Variants in SH3RF1 observed in about 807,000 individuals in gnomAD.
The protein encoded by SH3RF1 is SH3 domain containing ring finger 1, also known as E3 ubiquitin-protein ligase SH3RF1.
Under a neutral mutation model 74.0 loss-of-function variants are expected in SH3RF1, and 32 were observed. That is an observed-to-expected ratio of 0.43 (90% CI 0.33 to 0.58). The LOEUF (loss-of-function observed/expected upper bound fraction) is 0.58, where lower values mean the gene tolerates loss of function less well. SH3RF1 is among the 20% of genes least tolerant of loss of function. SH3RF1 has a pLI of 0.05. For synonymous variants in SH3RF1, 396 were observed against 439.6 expected, an observed-to-expected ratio of 0.90 and a Z score of 1.24; for missense variants, 954 against 1,130.9, an observed-to-expected ratio of 0.84 and a Z score of 2.24.
chr4:169,201,700 C>G (rs1363552476), intron 2 of SH3RF1: 1 of 152,170 alleles, frequency 6.6e-6, no homozygotes. Flanking sequence ...TGGTAACTTC[C>G]TGTGAAGTCA....
In SH3RF1 at chr4:169,155,586, A is replaced by G. The variant is rs1734035669; in HGVS notation, c.670-11T>C. On this transcript the variant is annotated splice_polypyrimidine_tract_variant and intron_variant, in intron 3 of 11. Coordinates refer to ENST00000284637, the MANE Select transcript of SH3RF1 (RefSeq NM_020870.4). ...AGTCAGAACATCATCCTGAAGAAAC[A>G]GCAAATCATTAATCTACCTGATCAT... The G allele has an allele frequency of 6.3e-7, 1 of 1,591,246 alleles. No individual in the cohort carries two copies. Among genetic ancestry groups the G allele is most frequent in the African/African-American group, 1.3e-5 (1 of 74,464 alleles).
In SH3RF1 at chr4:169,121,996, T is replaced by C. The variant is rs1306784372; in HGVS notation, c.1346+104A>G. ...AGGACACAGACCGCTTGGTGAGCCA[T>C]AACGCTGTCATCAGCTCATGTCAGA... On this transcript the variant is annotated intron_variant, in intron 7 of 11. Transcript: ENST00000284637. 6.1e-6 allele frequency: 9 copies of C among 1,464,276 alleles called. No homozygotes were observed. The African/African-American group carries it at 1.1e-4, about 18-fold the overall frequency. The allele number at this position is 1,464,276 out of a possible 1,614,324, so 90.7% of individuals were successfully genotyped here. A position where few individuals can be genotyped will look rare whatever the true frequency, so the allele number is the denominator to read the frequency against.
intron 2 of SH3RF1, among the ~76,000 whole-genome samples, chr4:169,267,766 A>G (rs13144922): frequency 0.077 from 11,700 of 152,242 alleles, 574 homozygotes; most frequent in South Asian, 0.21. Flanking sequence ...TATGGGAACT[A>G]ATGCTATCCC....
At chr4:169,193,960 C>G (rs1370225836) in intron 2 of SH3RF1, among the ~76,000 whole-genome samples, 1 of 152,142 alleles carries the variant, frequency 6.6e-6, no homozygotes, top group Non-Finnish European at 1.5e-5. Flanking sequence ...CTCAGCTGTA[C>G]TAAGACAATC....
chr4:169,152,449 G>T (rs1467632759), intron 4 of SH3RF1, among the ~76,000 whole-genome samples: 1 of 152,168 alleles, frequency 6.6e-6, no homozygotes, highest in African/African-American at 2.4e-5. Flanking sequence ...TTATTAAAAG[G>T]AGATGTGGCT....
At chr4:169,159,802 C>T (rs542022847) in intron 2 of SH3RF1, among the ~76,000 whole-genome samples, 1 of 152,318 alleles carries the variant, frequency 6.6e-6, no homozygotes, top group South Asian at 2.1e-4. Flanking sequence ...ATAGCAATTA[C>T]ATTTTTAATA....
chr4:169,261,695 C>T (rs915046554), intron 2 of SH3RF1, among the ~76,000 whole-genome samples: 7 of 151,478 alleles, frequency 4.6e-5, no homozygotes, highest in African/African-American at 1.7e-4. Context: ...AATTAAAAAC[C>T]ACAAGTTGCA....
intron 2 of SH3RF1, among the ~76,000 whole-genome samples, chr4:169,167,274 T>G (rs958628869): frequency 2.0e-5 from 3 of 152,184 alleles, no homozygotes; most frequent in Admixed American, 2.0e-4. Context: ...TGATATATTA[T>G]AATGCGTTCA....
chr4:169,226,987 CA>C (rs1730661473), intron 2 of SH3RF1, among the ~76,000 whole-genome samples: 1 of 151,966 alleles, frequency 6.6e-6, no homozygotes, highest in African/African-American at 2.4e-5. Flanking sequence ...GTCAACATAA[CA>C]AGACCCCATC....
intron 4 of SH3RF1, among the ~76,000 whole-genome samples, chr4:169,137,989 T>C (rs548868599): frequency 2.6e-5 from 4 of 152,340 alleles, no homozygotes; most frequent in African/African-American, 7.2e-5. Context: ...TCAGAAATAA[T>C]AGGCAGTAAC....
At chr4:169,228,504 G>T (rs1730686602) in intron 2 of SH3RF1, among the ~76,000 whole-genome samples, 1 of 152,114 alleles carries the variant, frequency 6.6e-6, no homozygotes. Flanking sequence ...AGGAGGTTGA[G>T]TTCCTCATCA....
At chr4:169,194,722 G>A (rs1360162268) in intron 2 of SH3RF1, among the ~76,000 whole-genome samples, 1 of 152,064 alleles carries the variant, frequency 6.6e-6, no homozygotes, top group East Asian at 1.9e-4. Flanking sequence ...GTATTCTAAG[G>A]AGTGAAACTG....
At chr4:169,180,582 C>T (rs1221687700) in intron 2 of SH3RF1, among the ~76,000 whole-genome samples, 2 of 152,198 alleles carry the variant, frequency 1.3e-5, no homozygotes, top group African/African-American at 4.8e-5. Context: ...GCCTATCCAG[C>T]ATTTGGGTTC....
intron 5 of SH3RF1, among the ~76,000 whole-genome samples, chr4:169,132,217 C>T (rs1378710583): frequency 6.6e-6 from 1 of 152,232 alleles, no homozygotes; most frequent in African/African-American, 2.4e-5. Flanking sequence ...TACCAAAATA[C>T]AACTTCCTGG....
chr4:169,119,859 C>T (rs533446451), intron 8 of SH3RF1, among the ~76,000 whole-genome samples: 4 of 152,202 alleles, frequency 2.6e-5, no homozygotes, highest in East Asian at 3.9e-4. Context: ...ATTAAACGGC[C>T]GGTGGTCAAA....
chr4:169,141,551 T>G (rs573933131), intron 4 of SH3RF1, among the ~76,000 whole-genome samples: 1 of 152,322 alleles, frequency 6.6e-6, no homozygotes, highest in Non-Finnish European at 1.5e-5. Context: ...TAAGCATCTA[T>G]TTTCTTTTTT....
chr4:169,229,493 G>A (rs1426676352), intron 2 of SH3RF1, among the ~76,000 whole-genome samples: 1 of 148,006 alleles, frequency 6.8e-6, no homozygotes, highest in Non-Finnish European at 1.5e-5. Flanking sequence ...AAACCTATTC[G>A]GTGGCCACAT....
intron 2 of SH3RF1, among the ~76,000 whole-genome samples, chr4:169,264,501 G>A (rs1031037719): frequency 6.6e-6 from 1 of 152,206 alleles, no homozygotes; most frequent in African/African-American, 2.4e-5. Context: ...GAAAGAGGGA[G>A]AAAGGAGGTA....
chr4:169,251,677 G>A (rs988853610), intron 2 of SH3RF1, among the ~76,000 whole-genome samples: 1 of 152,166 alleles, frequency 6.6e-6, no homozygotes, highest in Middle Eastern at 3.2e-3. Context: ...TCCCTTTTAT[G>A]AAAGGAGGAA....
Sources: allele counts gnomAD v4.1 joint callset (sites outside exome capture counted in the v4.1 genomes callset), GRCh38; gene constraint gnomAD v4.1.1; transcripts MANE v1.5; gene names NCBI Gene and HGNC (gene_info 2026-07-23, HGNC 2026-07-21).